ZNF385D: variants seen among roughly 807,000 people sequenced by gnomAD.
The protein encoded by ZNF385D is zinc finger protein 385D.
ZNF385D carries 15 observed loss-of-function variants against 35.8 expected under a neutral mutation model. That is an observed-to-expected ratio of 0.42 (90% CI 0.28 to 0.64). ZNF385D has a LOEUF of 0.64. ZNF385D is among the 30% of genes least tolerant of loss of function. ZNF385D has a pLI of 0.23. For synonymous variants in ZNF385D, 212 were observed against 186.8 expected, an observed-to-expected ratio of 1.13 and a Z score of -1.10; for missense variants, 474 against 494.6, an observed-to-expected ratio of 0.96 and a Z score of 0.39.
chr3:22,046,969 A>C (rs1255358230), intron 3 of ZNF385D, among the ~76,000 whole-genome samples: 1 of 152,162 alleles, frequency 6.6e-6, no homozygotes, highest in Admixed American at 6.6e-5. Context: ...GATTATATCT[A>C]ATTTGAATAA....
At chr3:22,097,431 C>G (rs957708010) in intron 3 of ZNF385D, among the ~76,000 whole-genome samples, 3 of 151,742 alleles carry the variant, frequency 2.0e-5, no homozygotes, top group Non-Finnish European at 4.4e-5. Context: ...TTGGCTAGGT[C>G]ATAAATAATG....
At chr3:22,160,084 A>C (rs79297653) in intron 3 of ZNF385D, among the ~76,000 whole-genome samples, 10,982 of 152,096 alleles carry the variant, frequency 0.072, 1,037 homozygotes, top group East Asian at 0.42. Context: ...CTTGTGAAGA[A>C]GGTGCCTTGC....
intron 3 of ZNF385D, among the ~76,000 whole-genome samples, chr3:22,077,528 T>C (rs962772841): frequency 1.3e-5 from 2 of 151,990 alleles, no homozygotes; most frequent in Middle Eastern, 3.2e-3. Flanking sequence ...TGGTCTTCTT[T>C]TGTCTTAGCA....
intron 1 of ZNF385D, among the ~76,000 whole-genome samples, chr3:21,728,103 A>T (rs1021705183): frequency 8.5e-5 from 13 of 152,138 alleles, no homozygotes; most frequent in African/African-American, 3.1e-4. Context: ...ACATGGACAC[A>T]GGGAGTGAAC....
At chr3:21,468,228 C>G (rs1703644385) in intron 4 of ZNF385D, among the ~76,000 whole-genome samples, 1 of 151,018 alleles carries the variant, frequency 6.6e-6, no homozygotes, top group Non-Finnish European at 1.5e-5. Flanking sequence ...CATGGTGAAA[C>G]CCATCTCTAC....
At chr3:22,183,583 C>T (rs1466849364) in intron 2 of ZNF385D, among the ~76,000 whole-genome samples, 1 of 152,054 alleles carries the variant, frequency 6.6e-6, no homozygotes, top group Admixed American at 6.6e-5. Context: ...GTCTCAAACT[C>T]CTGACCTCGT....
upstream of ZNF385D, chr3:21,751,457 C>A (rs866847713): frequency 7.1e-6 from 7 of 986,274 alleles, no homozygotes; most frequent in Middle Eastern, 5.2e-4. Context: ...GTGGTTAAGG[C>A]GAGTTCTGCC....
At chr3:22,211,568 G>T (rs1697525486) in intron 2 of ZNF385D, among the ~76,000 whole-genome samples, 1 of 151,988 alleles carries the variant, frequency 6.6e-6, no homozygotes, top group Non-Finnish European at 1.5e-5. Context: ...TACCAAGAAA[G>T]GGCAACTGTA....
At chr3:21,781,145 G>A (rs1488424884) in intron 3 of ZNF385D, among the ~76,000 whole-genome samples, 2 of 152,022 alleles carry the variant, frequency 1.3e-5, no homozygotes, top group African/African-American at 4.8e-5. Flanking sequence ...GTCAGCTATA[G>A]TGTTCCTTTA....
chr3:21,489,721 C>A (rs1434774416), intron 4 of ZNF385D, among the ~76,000 whole-genome samples: 4 of 152,086 alleles, frequency 2.6e-5, no homozygotes, highest in African/African-American at 9.7e-5. Flanking sequence ...CTCATATCTG[C>A]CCCATCCTGT....
chr3:22,072,582 A>T (rs1228592057), intron 3 of ZNF385D, among the ~76,000 whole-genome samples: 2 of 152,022 alleles, frequency 1.3e-5, no homozygotes, highest in African/African-American at 4.8e-5. Context: ...ATGATTTTCA[A>T]ATTTAAGGTA....
chr3:22,286,262 G>C (rs17011147), intron 2 of ZNF385D, among the ~76,000 whole-genome samples: 1 of 151,822 alleles, frequency 6.6e-6, no homozygotes, highest in Non-Finnish European at 1.5e-5. Flanking sequence ...ACTAATATCC[G>C]CGCCCTCATG....
chr3:22,152,083 C>A (rs979433040), intron 3 of ZNF385D, among the ~76,000 whole-genome samples: 3 of 152,100 alleles, frequency 2.0e-5, no homozygotes, highest in Non-Finnish European at 4.4e-5. Context: ...TTAGCTCCCA[C>A]TTCTAAGTGA....
Position 21,421,317 on chromosome 3 carries a change from G to A in ZNF385D, c.1085C>T (p.Ala362Val). 1 of 1,613,986 alleles carries A rather than the reference G, an allele frequency of 6.2e-7. No individual in the cohort carries two copies. The highest frequency in any genetic ancestry group is 8.5e-7 in the Non-Finnish European group (1 of 1,179,932). ...SSPFSLRTAPAATLFQTSALP... is the reference protein window; with the variant it reads ...SSPFSLRTAPVATLFQTSALP... ...CGCGGAAGTCTGGAACAGTGTTGCT[G>A]CTGGAGCAGTTCGAAGACTGAAGGG... Residue 362 changes from alanine (A) to valine (V), a missense_variant, in exon 8 of 8, where the codon GCA becomes GTA. By Grantham distance (64) the Ala-to-Val change is moderately conservative. Transcript: ENST00000281523.
chr3:22,234,229 T>C (rs1017856009), intron 2 of ZNF385D, among the ~76,000 whole-genome samples: 1 of 152,114 alleles, frequency 6.6e-6, no homozygotes, highest in African/African-American at 2.4e-5. Flanking sequence ...AAGCTCCTTT[T>C]CTCCAGACAT....
chr3:21,747,160 AAG>A (rs1262944214), intron 1 of ZNF385D, among the ~76,000 whole-genome samples: 1 of 151,998 alleles, frequency 6.6e-6, no homozygotes, highest in East Asian at 1.9e-4. Flanking sequence ...CATTTTAATG[AAG>A]AGAGTTGATC....
At chr3:22,174,721 T>C (rs1042303631) in intron 2 of ZNF385D, among the ~76,000 whole-genome samples, 2 of 152,132 alleles carry the variant, frequency 1.3e-5, no homozygotes, top group South Asian at 4.1e-4. Context: ...AATCTAGAGA[T>C]ACTTCATGGC....
chr3:21,947,615 G>C (rs1575984226), intron 3 of ZNF385D, among the ~76,000 whole-genome samples: 1 of 152,180 alleles, frequency 6.6e-6, no homozygotes, highest in African/African-American at 2.4e-5. Context: ...CTCCCAGAGT[G>C]CTGGGATTCC....
chr3:22,271,431 G>T (rs1036415554), intron 2 of ZNF385D, among the ~76,000 whole-genome samples: 14 of 151,690 alleles, frequency 9.2e-5, no homozygotes, highest in Non-Finnish European at 1.8e-4. Context: ...AAACAGTTTC[G>T]AGATAAAGAC....
Sources: allele counts gnomAD v4.1 joint callset (sites outside exome capture counted in the v4.1 genomes callset), GRCh38; gene constraint gnomAD v4.1.1; transcripts MANE v1.5; gene names NCBI Gene and HGNC (gene_info 2026-07-23, HGNC 2026-07-21).